The following ACTR3 variants were observed in gnomAD, a reference collection of about 807,000 sequenced individuals.
ACTR3 encodes the protein actin-related protein 3.
A neutral mutation model predicts 56.8 loss-of-function variants in ACTR3; 12 were observed. The observed-to-expected ratio is 0.21, with a 90% confidence interval of 0.14 to 0.34. ACTR3 has a LOEUF of 0.34. ACTR3 is among the 10% of genes least tolerant of loss of function. The pLI is 1.00. For missense variants in ACTR3, 282 were observed against 512.5 expected (o/e 0.55, Z 4.34); for synonymous variants, 162 against 167.4 (o/e 0.97, Z 0.25).
intron 1 of ACTR3, among the ~76,000 whole-genome samples, chr2:113,906,557 CT>C (rs1281709346): frequency 6.6e-6 from 1 of 151,982 alleles, no homozygotes; most frequent in Non-Finnish European, 1.5e-5. Context: ...TATCATGAAG[CT>C]TTTCACCTTA....
chr2:113,922,889 A>G (rs1679536527), intron 3 of ACTR3, among the ~76,000 whole-genome samples: 1 of 152,212 alleles, frequency 6.6e-6, no homozygotes, highest in Non-Finnish European at 1.5e-5. Flanking sequence ...GTATGCTAGA[A>G]TAATAAGAGG....
chr2:113,958,228 A>G lies in ACTR3; in HGVS notation c.*773A>G, dbSNP rs1189419353. ...AAAATTGGCATATTTAAAGCCTAAC[A>G]TTCTAATAAAGGCACAAATTTCTTT... On this transcript the variant is annotated 3_prime_UTR_variant, in exon 12 of 12. Coordinates refer to ENST00000263238, the MANE Select transcript of ACTR3 (RefSeq NM_005721.5). 1.3e-5 allele frequency: 2 copies of G among 152,616 alleles called. No homozygotes were observed. The highest frequency in any genetic ancestry group is 2.4e-5 in the African/African-American group (1 of 41,464). The allele number at this position is 152,616 out of a possible 1,614,324, so 9.5% of individuals were successfully genotyped here.
chr2:113,957,683 CAAA>C lies in ACTR3; in HGVS notation c.*231_*233del, dbSNP rs1273591701. 1 of 448,578 alleles carries C rather than the reference CAAA, an allele frequency of 2.2e-6. No individual in the cohort carries two copies. Among genetic ancestry groups the C allele is most frequent in the Non-Finnish European group, 4.0e-6 (1 of 248,738 alleles). The allele number at this position is 448,578 out of a possible 1,614,324, so 27.8% of individuals were successfully genotyped here. A position where few individuals can be genotyped will look rare whatever the true frequency, so the allele number is the denominator to read the frequency against. ...TTGAATATTTGAATCTTATGTGTAA[CAAA>C]AAGAAGTGGGTTTTAGTTCTTTCTG... On this transcript the variant is annotated 3_prime_UTR_variant, in exon 12 of 12. Coordinates refer to ENST00000263238, the MANE Select transcript of ACTR3 (RefSeq NM_005721.5).
intron 1 of ACTR3, among the ~76,000 whole-genome samples, chr2:113,896,413 G>GTA (rs1364017356): frequency 6.6e-6 from 1 of 152,130 alleles, no homozygotes; most frequent in East Asian, 1.9e-4. Flanking sequence ...ATTGAAGGAG[G>GTA]TATAGCTAGG....
At chr2:113,913,639 A>ATGAGT (rs1328861636) in intron 2 of ACTR3, among the ~76,000 whole-genome samples, 2 of 152,186 alleles carry the variant, frequency 1.3e-5, no homozygotes, top group Non-Finnish European at 2.9e-5. Context: ...GTCCTCACTA[A>ATGAGT]GTGCCCATGT....
At chr2:113,927,102 A>C (rs1191524445) in intron 3 of ACTR3, among the ~76,000 whole-genome samples, 1 of 152,210 alleles carries the variant, frequency 6.6e-6, no homozygotes, top group East Asian at 1.9e-4. Context: ...TAGATTTAAC[A>C]GTTTTTAACA....
chr2:113,935,586 A>T (rs1408394264), intron 6 of ACTR3, among the ~76,000 whole-genome samples: 1 of 152,162 alleles, frequency 6.6e-6, no homozygotes, highest in Non-Finnish European at 1.5e-5. Context: ...GATATATGAG[A>T]TTTTATGTAG....
In ACTR3 at chr2:113,899,295, T is replaced by G. The variant is rs568855185; in HGVS notation, c.44+8972T>G. On this transcript the variant is annotated intron_variant, in intron 1 of 11. Coordinates refer to ENST00000263238, the MANE Select transcript of ACTR3 (RefSeq NM_005721.5). The stretch of plus-strand genomic sequence containing the variant: ...AGCTGCAATTTGAAAATGAATAATC[T>G]CCACTGATGCATTACTTACTGTAAT... Among the ~76,000 whole-genome samples, 154 of 152,296 alleles carry G rather than the reference T, an allele frequency of 1.0e-3. 2 individuals carry two copies. The highest frequency in any genetic ancestry group is 3.6e-3 in the African/African-American group (151 of 41,564).
At chr2:113,903,626 C>A (rs927327995) in intron 1 of ACTR3, among the ~76,000 whole-genome samples, 5 of 151,344 alleles carry the variant, frequency 3.3e-5, no homozygotes, top group African/African-American at 1.2e-4. Flanking sequence ...ACCTCTGCCT[C>A]CTGGGTTAAA....
chr2:113,916,927 A>G lies in ACTR3; in HGVS notation c.144A>G (p.Gln48=), dbSNP rs776887026. 34 of 1,610,106 alleles carry G rather than the reference A, an allele frequency of 2.1e-5. No individual in the cohort carries two copies. Among genetic ancestry groups the G allele is most frequent in the Non-Finnish European group, 2.6e-5 (31 of 1,177,538 alleles). Residue 48 remains glutamine (Q), a synonymous_variant, in exon 3 of 12, where the codon CAA becomes CAG. Transcript: ENST00000263238. ...KESAKVGDQA[Q]RRVMKGVDDL... ...CAGCAAAAGTGGGTGATCAAGCTCA[A>G]AGGAGGGTGATGAAAGGTGTTGATG...
intron 6 of ACTR3, among the ~76,000 whole-genome samples, chr2:113,936,903 GTGTCT>G (rs1399531960): frequency 6.6e-6 from 1 of 152,044 alleles, no homozygotes; most frequent in Non-Finnish European, 1.5e-5. Flanking sequence ...ATACATGTCT[GTGTCT>G]TAATCTCCTC....
At chr2:113,890,026 G>A (rs915077960), upstream of ACTR3, 18 of 583,550 alleles carry the variant, frequency 3.1e-5, no homozygotes, top group Middle Eastern at 4.4e-4. Context: ...GGAGTGAGGA[G>A]GAGGGAAGAG....
chr2:113,951,279 G>A, intron 8 of ACTR3, 200 bp from the exon 9 acceptor site: 1 of 459,468 alleles, frequency 2.2e-6, no homozygotes, highest in Non-Finnish European at 4.0e-6. Context: ...TTGCTATTCT[G>A]ATAGTTATAA....
intron 10 of ACTR3, 44 bp downstream of exon 10, chr2:113,951,889 C>A: frequency 6.2e-7 from 1 of 1,604,422 alleles, no homozygotes; most frequent in South Asian, 1.1e-5. Flanking sequence ...GGGTGCCTTC[C>A]TTGATTAGGA....
At chr2:113,953,541 T>TAA (rs1397673349) in intron 10 of ACTR3, 1 of 152,216 alleles carries the variant, frequency 6.6e-6, no homozygotes, top group Non-Finnish European at 1.5e-5. Flanking sequence ...ACCTTAGTTT[T>TAA]ACTTGCTAGT....
chr2:113,916,851 T>C (rs369923996), intron 2 of ACTR3, 33 bp from the exon 3 acceptor site: 3 of 1,559,384 alleles, frequency 1.9e-6, no homozygotes, highest in South Asian at 1.2e-5. Context: ...TTGAGGAAAA[T>C]GAATTCTTTG....
chr2:113,946,679 C>A (rs1680026197), intron 8 of ACTR3, among the ~76,000 whole-genome samples: 2 of 152,138 alleles, frequency 1.3e-5, no homozygotes, highest in African/African-American at 4.8e-5. Context: ...CTGATAGTTT[C>A]TTTTGCTGTG....
At position 113,903,889 on chromosome 2, in the gene ACTR3, C is replaced by T. The variant is rs556684313; in HGVS notation, c.45-9283C>T. 2.0e-5 allele frequency among the ~76,000 whole-genome samples: 3 copies of T among 150,754 alleles called. No homozygotes were observed. In the South Asian group the frequency reaches 6.3e-4, roughly 31 times the overall value. On this transcript the variant is annotated intron_variant, in intron 1 of 11. Coordinates refer to ENST00000263238, the MANE Select transcript of ACTR3 (RefSeq NM_005721.5). ...TTTTTTTTTTTGAGACAGAGTCTTACTCTGTTGCCAAGGCTGGAGTGCAGT... is the reference window on the plus strand; with the variant it reads ...TTTTTTTTTTTGAGACAGAGTCTTATTCTGTTGCCAAGGCTGGAGTGCAGT...
At chr2:113,899,397 T>C (rs1035869004) in intron 1 of ACTR3, among the ~76,000 whole-genome samples, 5 of 152,198 alleles carry the variant, frequency 3.3e-5, no homozygotes, top group Non-Finnish European at 5.9e-5. Flanking sequence ...TAGAAGAACT[T>C]AAAGTAATCA....
Sources: allele counts gnomAD v4.1 joint callset (sites outside exome capture counted in the v4.1 genomes callset), GRCh38; gene constraint gnomAD v4.1.1; transcripts MANE v1.5; gene names NCBI Gene and HGNC (gene_info 2026-07-23, HGNC 2026-07-21).